Variants in CLEC16A observed in about 807,000 individuals in gnomAD.
The protein encoded by CLEC16A is protein CLEC16A.
CLEC16A carries 51 observed loss-of-function variants against 109.5 expected under a neutral mutation model. The ratio of observed to expected loss-of-function variants is 0.47; its 90% CI spans 0.37 to 0.59. The LOEUF (loss-of-function observed/expected upper bound fraction) is 0.59, where lower values mean the gene tolerates loss of function less well. CLEC16A is among the 20% of genes least tolerant of loss of function. The pLI is 0.00. For missense variants in CLEC16A, 1,339 were observed against 1,394.0 expected (o/e 0.96, Z 0.63); for synonymous variants, 673 against 564.2 (o/e 1.19, Z -2.73).
chr16:11,061,112 C>A, intron 19 of CLEC16A, 90 bp downstream of exon 19: 1 of 1,372,296 alleles, frequency 7.3e-7, no homozygotes, highest in South Asian at 1.5e-5. Context: ...CTGGGAGGGT[C>A]AGTGTGCAAC....
rs866166042 is a variant in CLEC16A at position 10,985,224 on chromosome 16, T to C, written c.1071+2233T>C. 3.9e-5 allele frequency among the ~76,000 whole-genome samples: 5 copies of C among 129,476 alleles called. No individual in the cohort carries two copies. The South Asian group carries it at 1.1e-3, about 30-fold the overall frequency. The allele number at this position is 129,476 out of a possible 152,430, so 84.9% of individuals were successfully genotyped here. On this transcript the variant is annotated intron_variant, in intron 10 of 23. Transcript: ENST00000409790. ...TCTCAAAAAAAAAAAAAAAAAAATA[T>C]ATATATATATATAGTGCCCATCAAG...
chr16:11,031,093 C>G (rs574256800), intron 13 of CLEC16A, among the ~76,000 whole-genome samples: 66 of 152,274 alleles, frequency 4.3e-4, no homozygotes, highest in Non-Finnish European at 7.5e-4. Flanking sequence ...CTCTCCCATT[C>G]TGGACTGCTA....
rs531792888 is a variant in CLEC16A, at chr16:11,136,434, G to A, written c.2641+10288G>A. ...ACAATGCCTGACCCATATAAAACGT[G>A]CAGCAAAGGTTAACTGCTCTTGCCA... On this transcript the variant is annotated intron_variant, in intron 22 of 23. Transcript: ENST00000409790. Among the ~76,000 whole-genome samples the A allele has an allele frequency of 1.6e-4, 24 of 152,220 alleles. No individual in the cohort carries two copies. The South Asian group carries it at 4.8e-3, about 30-fold the overall frequency.
chr16:11,147,725 T>C (rs908811721), intron 22 of CLEC16A, among the ~76,000 whole-genome samples: 14 of 152,192 alleles, frequency 9.2e-5, no homozygotes, highest in African/African-American at 3.1e-4. Flanking sequence ...AATACAGCTC[T>C]CAACTTGTCA....
Position 11,178,337 on chromosome 16 carries a change from G to T in CLEC16A, c.2809G>T (p.Ala937Ser), listed in dbSNP as rs971669709. The T allele has an allele frequency of 1.2e-6, 2 of 1,601,906 alleles. No individual in the cohort carries two copies. The highest frequency in any genetic ancestry group is 1.3e-5 in the African/African-American group (1 of 74,700). Residue 937 changes from alanine (A) to serine (S), a missense_variant and splice_region_variant, in exon 24 of 24, where the codon GCC (alanine) becomes TCC (serine). Physicochemically the swap from Ala to Ser is moderately conservative, Grantham distance 99. This residue lies in a region of CLEC16A where 1,061 missense variants were observed against 1,006.8 expected (regional missense o/e 1.05). Transcript: ENST00000409790. The surrounding 1 kb of genome is among the most constrained non-coding windows in gnomAD (Gnocchi z 6.5). ...CCGGTTTTTCTCCCCCAATCCAGAT[G>T]CCCCCATGAGTCCAGAACTGCCTAA... ...TPSTAQSPADAPMSPELPKPH... is the reference protein window; with the variant it reads ...TPSTAQSPADSPMSPELPKPH...
At chr16:10,986,277 G>A (rs577584686) in intron 10 of CLEC16A, among the ~76,000 whole-genome samples, 38 of 151,876 alleles carry the variant, frequency 2.5e-4, no homozygotes, top group African/African-American at 8.2e-4. Flanking sequence ...TGATCCACCC[G>A]CCTCAGCCTC....
intron 10 of CLEC16A, among the ~76,000 whole-genome samples, chr16:10,989,662 T>C (rs950974869): frequency 6.6e-6 from 1 of 152,222 alleles, no homozygotes; most frequent in African/African-American, 2.4e-5. Flanking sequence ...AGTCTGTCTG[T>C]AGATACCAGT....
At position 11,088,624 on chromosome 16, in the gene CLEC16A, G is replaced by A. The variant is rs888836111; in HGVS notation, c.2116+27602G>A. ...GGAAGTGCACCAGGCCCCCAGCCAC[G>A]CGCGGAGAGCTTCTCCAGAGAGGGC... is the stretch of plus-strand genomic sequence containing the variant. On this transcript the variant is annotated intron_variant, in intron 19 of 23. Coordinates refer to ENST00000409790, the MANE Select transcript of CLEC16A (RefSeq NM_015226.3). 5.9e-5 allele frequency among the ~76,000 whole-genome samples: 9 copies of A among 152,128 alleles called. No homozygotes were observed. In the South Asian group the frequency reaches 6.2e-4, roughly 11 times the overall value.
chr16:10,957,768 C>G lies in CLEC16A; in HGVS notation c.81-14C>G, dbSNP rs1596739433. 1 of 1,613,540 alleles carries G rather than the reference C, an allele frequency of 6.2e-7. No homozygotes were observed. The highest frequency in any genetic ancestry group is 2.2e-5 in the East Asian group (1 of 44,876). On this transcript the variant is annotated splice_polypyrimidine_tract_variant and intron_variant, in intron 1 of 23. Coordinates refer to ENST00000409790, the MANE Select transcript of CLEC16A (RefSeq NM_015226.3). Reference sequence around the variant, plus strand: ...TTGGTAACCTTTAATTTCCTTTTCTCTCATTTCTCTCAGGTATCTGTACCA... The same window carrying G: ...TTGGTAACCTTTAATTTCCTTTTCTGTCATTTCTCTCAGGTATCTGTACCA...
chr16:11,001,484 G>A (rs2044666955), intron 10 of CLEC16A, among the ~76,000 whole-genome samples: 1 of 152,178 alleles, frequency 6.6e-6, no homozygotes, highest in Non-Finnish European at 1.5e-5. Flanking sequence ...GCAAGCCCCA[G>A]TAAGCCCCAA....
At chr16:10,972,325 C>T (rs1298109531) in intron 5 of CLEC16A, among the ~76,000 whole-genome samples, 2 of 152,220 alleles carry the variant, frequency 1.3e-5, no homozygotes, top group East Asian at 1.9e-4. Flanking sequence ...AACTAGCCAA[C>T]GTGGCAGGCT....
chr16:10,982,772 A>G (rs1287346935), intron 9 of CLEC16A, 106 bp from the exon 10 acceptor site: 1 of 647,928 alleles, frequency 1.5e-6, no homozygotes, highest in Non-Finnish European at 2.8e-6. Context: ...ATTGCTGCTT[A>G]ATACAGGACT....
At chr16:11,142,697 C>A (rs2153068324) in intron 22 of CLEC16A, among the ~76,000 whole-genome samples, 1 of 152,300 alleles carries the variant, frequency 6.6e-6, no homozygotes, top group Admixed American at 6.5e-5. Flanking sequence ...TGTAGTTAAG[C>A]CCTTCAGTGA....
intron 19 of CLEC16A, among the ~76,000 whole-genome samples, chr16:11,067,556 G>A (rs912203930): frequency 1.3e-5 from 2 of 152,120 alleles, no homozygotes; most frequent in African/African-American, 4.8e-5. Flanking sequence ...GATGAGGCTG[G>A]GTAGGAAGCC....
chr16:11,111,809 G>A (rs1484876584), intron 19 of CLEC16A, among the ~76,000 whole-genome samples: 1 of 152,194 alleles, frequency 6.6e-6, no homozygotes, highest in Non-Finnish European at 1.5e-5. Flanking sequence ...CTTAATGATT[G>A]TAAGTAATTC....
chr16:10,962,685 C>T, intron 3 of CLEC16A, 97 bp downstream of exon 3: 1 of 1,316,060 alleles, frequency 7.6e-7, no homozygotes, highest in Non-Finnish European at 1.1e-6. Flanking sequence ...TATTCGTCGG[C>T]TCAGGCTATC....
chr16:11,106,248 C>G (rs1250727737), intron 19 of CLEC16A, among the ~76,000 whole-genome samples: 1 of 152,144 alleles, frequency 6.6e-6, no homozygotes, highest in Non-Finnish European at 1.5e-5. Context: ...AGTGAACACC[C>G]TCATACTTGT....
intron 3 of CLEC16A, among the ~76,000 whole-genome samples, chr16:10,964,244 C>T (rs971694063): frequency 1.2e-4 from 19 of 152,356 alleles, no homozygotes; most frequent in African/African-American, 4.6e-4. Context: ...CCGGTGACCG[C>T]AAGTTGACAA....
intron 19 of CLEC16A, among the ~76,000 whole-genome samples, chr16:11,077,594 G>A (rs1029275329): frequency 4.6e-5 from 7 of 151,960 alleles, no homozygotes; most frequent in Non-Finnish European, 8.8e-5. Context: ...GGGAGATTGA[G>A]GCTGTAGTGA....
Sources: gnomAD v4.1 joint callset for allele counts (sites outside exome capture counted in the v4.1 genomes callset) on GRCh38, gnomAD v4.1.1 for gene constraint, gnomAD v4.1.1 regional missense constraint, Gnocchi (gnomAD v3.1) non-coding constraint, MANE v1.5 for transcripts, NCBI Gene and HGNC (gene_info 2026-07-23, HGNC 2026-07-21) for gene names.